SH3BGRL2: variants seen among roughly 807,000 people sequenced by gnomAD.
SH3BGRL2 encodes the protein SH3 domain-binding glutamic acid-rich-like protein 2.
SH3BGRL2 carries 21 observed loss-of-function variants against 14.8 expected under a neutral mutation model. The observed-to-expected ratio is 1.42, with a 90% CI of 1.01 to 2.05. SH3BGRL2 has a LOEUF of 2.05. Ranked by LOEUF, SH3BGRL2 falls within the 30% of genes most tolerant of loss-of-function variation. The pLI, the probability that SH3BGRL2 is intolerant of heterozygous loss-of-function variation, is 0.00. For synonymous variants in SH3BGRL2, 50 were observed against 47.8 expected (o/e 1.05, Z -0.19); for missense variants, 147 against 130.8 (o/e 1.12, Z -0.61).
chr6:79,615,379 C>T, the SH3BGRL2 span, among the ~76,000 whole-genome samples: 1 of 152,184 alleles, frequency 6.6e-6, no homozygotes, highest in Non-Finnish European at 1.5e-5. Flanking sequence ...ATTGTCACCA[C>T]AGTGATTTCT....
chr6:79,687,550 G>T (rs966721443), intron 2 of SH3BGRL2, among the ~76,000 whole-genome samples: 1 of 152,176 alleles, frequency 6.6e-6, no homozygotes, highest in African/African-American at 2.4e-5. Context: ...TGTCTATCCT[G>T]CCAGGATTGG....
chr6:79,687,156 C>T (rs1264401173), intron 2 of SH3BGRL2, among the ~76,000 whole-genome samples: 1 of 152,202 alleles, frequency 6.6e-6, no homozygotes, highest in Non-Finnish European at 1.5e-5. Flanking sequence ...CCTGCCATAG[C>T]CTGCTCCAGA....
At chr6:79,593,676 T>C in the SH3BGRL2 span, among the ~76,000 whole-genome samples, 1 of 152,166 alleles carries the variant, frequency 6.6e-6, no homozygotes, top group Non-Finnish European at 1.5e-5. Context: ...TCATGGAGGT[T>C]TGTAGTCATT....
At position 79,653,754 on chromosome 6, in the gene SH3BGRL2, C is replaced by T. The variant is rs114927111; in HGVS notation, c.46-19860C>T. ...AAGAGTGGGCATAAACACATGAAAC[C>T]GACAAAGATTTGGAAAGCACCCCAG... On this transcript the variant is annotated intron_variant, in intron 1 of 3. Coordinates refer to ENST00000369838, the MANE Select transcript of SH3BGRL2 (RefSeq NM_031469.4). 8.6e-3 allele frequency among the ~76,000 whole-genome samples: 1,305 copies of T among 152,072 alleles called. 19 individuals are homozygous for T. Among genetic ancestry groups the T allele is most frequent in the African/African-American group, 0.03 (1,244 of 41,468 alleles).
chr6:79,693,338 A>G (rs1166440162), intron 2 of SH3BGRL2, among the ~76,000 whole-genome samples: 1 of 151,548 alleles, frequency 6.6e-6, no homozygotes, highest in Non-Finnish European at 1.5e-5. Context: ...TCCTAATTGA[A>G]TACCCTTTAT....
chr6:79,666,778 A>G (rs1769669466), intron 1 of SH3BGRL2, among the ~76,000 whole-genome samples: 2 of 152,322 alleles, frequency 1.3e-5, no homozygotes. Context: ...TTTGAGATAC[A>G]TAAGAGGTCC....
chr6:79,586,017 G>A, the SH3BGRL2 span, among the ~76,000 whole-genome samples: 1 of 151,848 alleles, frequency 6.6e-6, no homozygotes, highest in Non-Finnish European at 1.5e-5. Flanking sequence ...CCAACATGGA[G>A]AAACCCTGTC....
intron 1 of SH3BGRL2, among the ~76,000 whole-genome samples, chr6:79,647,449 A>G (rs2127725340): frequency 6.6e-6 from 1 of 152,208 alleles, no homozygotes; most frequent in South Asian, 2.1e-4. Context: ...TAATGGGTTA[A>G]TCAACTCCTA....
the SH3BGRL2 span, among the ~76,000 whole-genome samples, chr6:79,600,235 AC>A: frequency 2.6e-5 from 4 of 152,054 alleles, no homozygotes; most frequent in Admixed American, 6.6e-5. Flanking sequence ...ATATTTTCTT[AC>A]TTTCTCTAAT....
At chr6:79,632,123 A>G (rs776137430) in intron 1 of SH3BGRL2, among the ~76,000 whole-genome samples, 6 of 152,056 alleles carry the variant, frequency 3.9e-5, no homozygotes, top group African/African-American at 7.2e-5. Flanking sequence ...CTTTATGTAA[A>G]TGTGTGTGTA....
At chr6:79,577,025 T>C in the SH3BGRL2 span, among the ~76,000 whole-genome samples, 9 of 152,368 alleles carry the variant, frequency 5.9e-5, no homozygotes, top group South Asian at 1.9e-3. Flanking sequence ...GAGTTACTTT[T>C]TGTGCATAGT....
chr6:79,601,040 T>A, the SH3BGRL2 span, among the ~76,000 whole-genome samples: 1 of 152,180 alleles, frequency 6.6e-6, no homozygotes, highest in Admixed American at 6.5e-5. Context: ...CAGTGTCAGT[T>A]GAAGGATTTC....
chr6:79,637,286 A>G (rs1768944163), intron 1 of SH3BGRL2, among the ~76,000 whole-genome samples: 1 of 152,082 alleles, frequency 6.6e-6, no homozygotes, highest in African/African-American at 2.4e-5. Context: ...AAGGATATGA[A>G]CTCCTTTATG....
intron 2 of SH3BGRL2, among the ~76,000 whole-genome samples, chr6:79,695,906 CTA>C (rs1163667946): frequency 2.0e-5 from 3 of 152,118 alleles, no homozygotes; most frequent in African/African-American, 7.2e-5. Flanking sequence ...AAAAATGATT[CTA>C]TATGTTTGAG....
At chr6:79,563,030 A>G in the SH3BGRL2 span, among the ~76,000 whole-genome samples, 1 of 152,242 alleles carries the variant, frequency 6.6e-6, no homozygotes, top group South Asian at 2.1e-4. Flanking sequence ...ATCTGGGCTC[A>G]CTGCAAGCTC....
At chr6:79,574,601 G>C in the SH3BGRL2 span, 1 of 152,280 alleles carries the variant, frequency 6.6e-6, no homozygotes, top group African/African-American at 2.4e-5. Context: ...AAAAGTTCTG[G>C]AGATAGATGG....
chr6:79,696,188 A>G (rs891034167), intron 2 of SH3BGRL2, among the ~76,000 whole-genome samples: 3 of 152,158 alleles, frequency 2.0e-5, no homozygotes, highest in Non-Finnish European at 4.4e-5. Context: ...TCACAGACAA[A>G]TGTTAGTTTG....
At chr6:79,663,606 T>A (rs942692819) in intron 1 of SH3BGRL2, among the ~76,000 whole-genome samples, 1 of 152,170 alleles carries the variant, frequency 6.6e-6, no homozygotes, top group African/African-American at 2.4e-5. Context: ...GTCTCCCAGT[T>A]AGGCTACACA....
At chr6:79,663,622 C>A (rs1769598835) in intron 1 of SH3BGRL2, among the ~76,000 whole-genome samples, 1 of 152,210 alleles carries the variant, frequency 6.6e-6, no homozygotes, top group African/African-American at 2.4e-5. Flanking sequence ...ACACAGGGAT[C>A]AGGGACCCAC....
Sources: allele counts gnomAD v4.1 joint callset (sites outside exome capture counted in the v4.1 genomes callset), GRCh38; gene constraint gnomAD v4.1.1; transcripts MANE v1.5; gene names NCBI Gene and HGNC (gene_info 2026-07-23, HGNC 2026-07-21).